FAT3: variants seen among roughly 807,000 people sequenced by gnomAD.
FAT3 encodes the protein FAT atypical cadherin 3, also known as protocadherin Fat 3.
Under a neutral mutation model 310.2 loss-of-function variants are expected in FAT3, and 95 were observed. The ratio of observed to expected loss-of-function variants is 0.31; its 90% CI spans 0.26 to 0.36. FAT3 has a LOEUF of 0.36. Ranked by LOEUF, FAT3 falls within the 10% of genes least tolerant of loss-of-function variation. FAT3 has a pLI of 1.00. For missense variants in FAT3, 5,408 were observed against 5,715.6 expected, an observed-to-expected ratio of 0.95 and a Z score of 1.74; for synonymous variants, 2,314 against 2,192.9, an observed-to-expected ratio of 1.06 and a Z score of -1.54.
chr11:92,767,542 A>C (rs1472879027), intron 6 of FAT3, among the ~76,000 whole-genome samples: 1 of 152,068 alleles, frequency 6.6e-6, no homozygotes, highest in Admixed American at 6.5e-5. Flanking sequence ...TCCTACTGGC[A>C]TGCCTTTCTG....
chr11:92,227,752 CTTTT>C (rs151286236), intron 1 of FAT3, among the ~76,000 whole-genome samples: 2 of 140,550 alleles, frequency 1.4e-5, no homozygotes, highest in Non-Finnish European at 1.5e-5. Context: ...CTTTCTTCTT[CTTTT>C]TTTTTTTTTT....
intron 3 of FAT3, among the ~76,000 whole-genome samples, chr11:92,553,434 C>G (rs993132307): frequency 1.3e-5 from 2 of 152,168 alleles, no homozygotes; most frequent in African/African-American, 4.8e-5. Context: ...GTTTGGAGGG[C>G]TGTTTCTTCC....
At chr11:92,311,488 A>G (rs2134456629) in intron 1 of FAT3, among the ~76,000 whole-genome samples, 1 of 152,268 alleles carries the variant, frequency 6.6e-6, no homozygotes, top group Middle Eastern at 3.4e-3. Context: ...AATTTAAGTC[A>G]CCTTATTTTA....
chr11:92,557,978 G>A (rs968780940), intron 3 of FAT3, among the ~76,000 whole-genome samples: 4 of 152,160 alleles, frequency 2.6e-5, no homozygotes, highest in Admixed American at 6.5e-5. Flanking sequence ...ATTTTGGAGT[G>A]GCTTCTTTTA....
chr11:92,273,970 G>C (rs186620639), intron 1 of FAT3, among the ~76,000 whole-genome samples: 3 of 152,036 alleles, frequency 2.0e-5, no homozygotes, highest in Non-Finnish European at 4.4e-5. Flanking sequence ...AGTTTAGTGC[G>C]GGGCTTAACA....
chr11:92,352,338 T>C lies in FAT3; in HGVS notation c.226T>C (p.Ser76Pro). The C allele has an allele frequency of 6.3e-7, 1 of 1,578,286 alleles. No homozygotes were observed. The highest frequency in any genetic ancestry group is 1.3e-5 in the African/African-American group (1 of 74,340). Residue 76 changes from serine to proline, a missense_variant, in exon 2 of 28, where the codon TCC becomes CCC. By Grantham distance (74) the Ser-to-Pro change is moderately conservative. Coordinates refer to ENST00000525166, the MANE Select transcript of FAT3 (RefSeq NM_001367949.2). Reference protein sequence around the residue: ...SRMGITLIDLSWDIKYRIVSG... With the variant: ...SRMGITLIDLPWDIKYRIVSG... ...AATGGGCATCACCTTAATAGATCTA[T>C]CCTGGGATATCAAATACAGAATAGT...
chr11:92,455,715 C>T (rs930801607), intron 2 of FAT3, among the ~76,000 whole-genome samples: 1 of 152,168 alleles, frequency 6.6e-6, no homozygotes, highest in Non-Finnish European at 1.5e-5. Context: ...AGCTCCACTC[C>T]TTACTTTTAG....
chr11:92,315,512 T>TAGAGAGAGAGAGAG (rs374021850), intron 1 of FAT3, among the ~76,000 whole-genome samples: 13 of 56,172 alleles, frequency 2.3e-4, no homozygotes, highest in East Asian at 6.4e-4. Flanking sequence ...TATATATATA[T>TAGAGAGAGAGAGAG]AGAGAGAGAG....
intron 19 of FAT3, among the ~76,000 whole-genome samples, chr11:92,854,680 T>C (rs1948923895): frequency 6.6e-6 from 1 of 152,236 alleles, no homozygotes; most frequent in Admixed American, 6.5e-5. Context: ...CCATTATTCC[T>C]ATAGGGATAA....
intron 2 of FAT3, among the ~76,000 whole-genome samples, chr11:92,488,074 A>T (rs993371397): frequency 6.6e-6 from 1 of 152,126 alleles, no homozygotes; most frequent in Non-Finnish European, 1.5e-5. Context: ...TTGCTAGCAG[A>T]TTTATTTCAG....
intron 4 of FAT3, among the ~76,000 whole-genome samples, chr11:92,703,793 T>C (rs1033108027): frequency 1.3e-5 from 2 of 152,264 alleles, no homozygotes; most frequent in Non-Finnish European, 2.9e-5. Context: ...AGTGTGGTTT[T>C]CCCACTGGAC....
intron 12 of FAT3, among the ~76,000 whole-genome samples, chr11:92,808,883 G>A (rs1426841497): frequency 7.2e-5 from 11 of 152,092 alleles, no homozygotes; most frequent in Admixed American, 7.2e-4. Context: ...CCGAGATCAT[G>A]CCACTGCACT....
At chr11:92,655,371 T>C (rs551989060) in intron 3 of FAT3, among the ~76,000 whole-genome samples, 1 of 152,304 alleles carries the variant, frequency 6.6e-6, no homozygotes, top group Non-Finnish European at 1.5e-5. Flanking sequence ...TTGAATGAAT[T>C]AATGACTGAT....
At chr11:92,448,710 T>C (rs1371661662) in intron 2 of FAT3, among the ~76,000 whole-genome samples, 1 of 152,196 alleles carries the variant, frequency 6.6e-6, no homozygotes, top group Non-Finnish European at 1.5e-5. Flanking sequence ...TTTATCTTCC[T>C]TGTTGCCTGC....
At chr11:92,703,749 T>C (rs1944174160) in intron 4 of FAT3, among the ~76,000 whole-genome samples, 1 of 152,272 alleles carries the variant, frequency 6.6e-6, no homozygotes, top group Non-Finnish European at 1.5e-5. Flanking sequence ...AGGCCTGGCA[T>C]TGGGCCAAGT....
intron 3 of FAT3, among the ~76,000 whole-genome samples, chr11:92,671,259 G>T (rs1943121231): frequency 6.6e-6 from 1 of 151,940 alleles, no homozygotes. Context: ...TGGTCAGGCT[G>T]GTCTGGAACT....
At chr11:92,576,882 A>G (rs1938511201) in intron 3 of FAT3, among the ~76,000 whole-genome samples, 1 of 132,864 alleles carries the variant, frequency 7.5e-6, no homozygotes, top group South Asian at 2.6e-4. Flanking sequence ...TAATCACATA[A>G]GAGAGCTAGA....
rs200813139 is a variant in FAT3 at position 92,850,783 on chromosome 11, AG to A, written c.11365+6056del. On this transcript the variant is annotated intron_variant, in intron 19 of 27. Transcript: ENST00000525166. Reference sequence around the variant, plus strand: ...TTGGCTAAAAGCAGAGACTTAATCCAGGGGGCTGCGGGAATGCTGGGGAGAT... The same window carrying A: ...TTGGCTAAAAGCAGAGACTTAATCCAGGGGCTGCGGGAATGCTGGGGAGAT... Among the ~76,000 whole-genome samples, 254 of 152,346 alleles carry A rather than the reference AG, an allele frequency of 1.7e-3. 1 individual carries two copies. Among genetic ancestry groups the A allele is most frequent in the East Asian group, 0.011 (57 of 5,184 alleles).
At chr11:92,764,802 C>A in intron 5 of FAT3, 77 bp from the exon 6 acceptor site, 1 of 1,373,176 alleles carries the variant, frequency 7.3e-7, no homozygotes, top group Non-Finnish European at 1.0e-6. Flanking sequence ...CTTGGCCCAG[C>A]AACATGAGTG....
Sources: allele counts gnomAD v4.1 joint callset (sites outside exome capture counted in the v4.1 genomes callset), GRCh38; gene constraint gnomAD v4.1.1; transcripts MANE v1.5; gene names NCBI Gene and HGNC (gene_info 2026-07-23, HGNC 2026-07-21).